Variants in ARID1B observed in about 807,000 individuals in gnomAD.
ARID1B encodes the protein AT-rich interaction domain 1B, also known as AT-rich interactive domain-containing protein 1B.
Under a neutral mutation model 212.3 loss-of-function variants are expected in ARID1B, and 30 were observed. The observed-to-expected ratio is 0.14, with a 90% CI of 0.11 to 0.19. The LOEUF (loss-of-function observed/expected upper bound fraction) is 0.19, where lower values mean the gene tolerates loss of function less well. Ranked by LOEUF, ARID1B falls within the 10% of genes least tolerant of loss-of-function variation. The probability of loss-of-function intolerance (pLI) is 1.00; values close to 1 mark genes in which losing one functional copy is unlikely to be tolerated. For synonymous variants in ARID1B, 1,402 were observed against 1,301.7 expected, an observed-to-expected ratio of 1.08 and a Z score of -1.66; for missense variants, 2,891 against 3,204.0, an observed-to-expected ratio of 0.90 and a Z score of 2.36.
At chr6:157,095,432 G>A (rs975249156) in intron 5 of ARID1B, among the ~76,000 whole-genome samples, 4 of 152,204 alleles carry the variant, frequency 2.6e-5, no homozygotes, top group African/African-American at 9.7e-5. Context: ...AAACCCTGGG[G>A]TACCCAAAAA....
intron 6 of ARID1B, among the ~76,000 whole-genome samples, chr6:157,122,631 T>C: frequency 6.6e-6 from 1 of 152,172 alleles, no homozygotes; most frequent in Non-Finnish European, 1.5e-5. Context: ...CAGGGCACCA[T>C]TTCCTAGGCC....
chr6:157,174,948 T>C lies in ARID1B; in HGVS notation c.3447T>C (p.His1149=). The C allele has an allele frequency of 6.5e-7, 1 of 1,539,000 alleles. No homozygotes were observed. The highest frequency in any genetic ancestry group is 8.8e-7 in the Non-Finnish European group (1 of 1,141,092). Residue 1149 remains histidine, a synonymous_variant, in exon 11 of 20, where the codon CAT becomes CAC. Coordinates refer to ENST00000636930, the MANE Select transcript of ARID1B (RefSeq NM_001374828.1). ...SPSSASISSF[H]GDESDSISSP... ...GCTCTGCTAGCATCTCCTCATTTCA[T>C]GGAGATGAAAGTGATAGCATTAGCA... is the stretch of plus-strand genomic sequence containing the variant.
At chr6:156,900,866 T>A (rs1788868248) in intron 2 of ARID1B, among the ~76,000 whole-genome samples, 1 of 152,214 alleles carries the variant, frequency 6.6e-6, no homozygotes, top group Admixed American at 6.5e-5. Context: ...TAAATAAAAT[T>A]GATAATTTAA....
intron 4 of ARID1B, among the ~76,000 whole-genome samples, chr6:157,002,401 A>C (rs76714525): frequency 6.6e-6 from 1 of 152,170 alleles, no homozygotes; most frequent in Non-Finnish European, 1.5e-5. Context: ...AGCCTTCTAA[A>C]TCTGTGAGAG....
At chr6:157,132,348 A>C (rs1406212596) in intron 6 of ARID1B, among the ~76,000 whole-genome samples, 2 of 152,222 alleles carry the variant, frequency 1.3e-5, no homozygotes, top group East Asian at 1.9e-4. Context: ...GAGGTAGATA[A>C]GTCTCAAGAC....
Position 157,204,048 on chromosome 6 carries a change from G to C in ARID1B, c.5394+52G>C, listed in dbSNP as rs551693171. 78 of 1,607,106 alleles carry C rather than the reference G, an allele frequency of 4.9e-5. No individual in the cohort carries two copies. In the East Asian group the frequency reaches 1.7e-3, roughly 35 times the overall value. On this transcript the variant is annotated intron_variant, in intron 19 of 19. Coordinates refer to ENST00000636930, the MANE Select transcript of ARID1B (RefSeq NM_001374828.1). ...CCAAATTAGGATAGGAGAGCATCAGGCCATGCACATTTGTGCTTGAACTAA... is the reference window on the plus strand; with the variant it reads ...CCAAATTAGGATAGGAGAGCATCAGCCCATGCACATTTGTGCTTGAACTAA...
intron 4 of ARID1B, among the ~76,000 whole-genome samples, chr6:157,000,109 A>T (rs1778823287): frequency 6.6e-6 from 1 of 152,184 alleles, no homozygotes; most frequent in Non-Finnish European, 1.5e-5. Context: ...AGGGTTTGAC[A>T]AGAGAGCATT....
intron 2 of ARID1B, among the ~76,000 whole-genome samples, chr6:156,836,151 A>G (rs1394771891): frequency 6.6e-6 from 1 of 152,232 alleles, no homozygotes; most frequent in Non-Finnish European, 1.5e-5. Flanking sequence ...CAAACACTGA[A>G]CAACAACGGA....
chr6:156,785,078 A>G (rs1202405803), intron 1 of ARID1B, among the ~76,000 whole-genome samples: 3 of 152,322 alleles, frequency 2.0e-5, no homozygotes, highest in Admixed American at 6.5e-5. Context: ...TTACTTAAAT[A>G]GGATCCAGTA....
Position 156,778,067 on chromosome 6 carries a change from G to T in ARID1B, c.387G>T (p.Ala129=), listed in dbSNP as rs1436534163. 2 of 1,538,562 alleles carry T rather than the reference G, an allele frequency of 1.3e-6. No individual in the cohort carries two copies. Among genetic ancestry groups the T allele is most frequent in the Non-Finnish European group, 8.7e-7 (1 of 1,146,284 alleles). ...CCTCCTCCTCCGCGGCGGCAGCGGC[G>T]GCATCCTCTTCCTCCTCGTCGGGCC... is the stretch of plus-strand genomic sequence containing the variant. ...SSSSSSAAAA[A]ASSSSSSGPG... The change falls in exon 1 of 20, where the codon GCG becomes GCT. Residue 129 remains alanine, a synonymous_variant. Coordinates refer to ENST00000636930, the MANE Select transcript of ARID1B (RefSeq NM_001374828.1).
chr6:157,121,924 G>A (rs1448271536), intron 6 of ARID1B, among the ~76,000 whole-genome samples: 1 of 152,150 alleles, frequency 6.6e-6, no homozygotes, highest in African/African-American at 2.4e-5. Context: ...CTCTGTGCCT[G>A]GCTCGCATAT....
At chr6:157,139,843 C>T (rs1054654745) in intron 7 of ARID1B, among the ~76,000 whole-genome samples, 1 of 151,732 alleles carries the variant, frequency 6.6e-6, no homozygotes, top group Non-Finnish European at 1.5e-5. Context: ...CTGCATCAGC[C>T]TCTGGGGTAG....
At chr6:156,816,385 A>T (rs1010943684) in intron 1 of ARID1B, among the ~76,000 whole-genome samples, 1 of 152,218 alleles carries the variant, frequency 6.6e-6, no homozygotes, top group African/African-American at 2.4e-5. Flanking sequence ...GGTTTCTTTA[A>T]TTTTGTTTTT....
chr6:157,122,879 A>C (rs1009612671), intron 6 of ARID1B, among the ~76,000 whole-genome samples: 2 of 152,008 alleles, frequency 1.3e-5, no homozygotes, highest in Non-Finnish European at 2.9e-5. Context: ...ACCGGGTTTC[A>C]CCATGTTGGC....
chr6:156,812,737 C>T (rs1429930244), intron 1 of ARID1B, among the ~76,000 whole-genome samples: 1 of 151,962 alleles, frequency 6.6e-6, no homozygotes. Context: ...CCTTACACCC[C>T]TTCCACCTTT....
At chr6:156,975,943 G>GT (rs1777212607) in intron 4 of ARID1B, among the ~76,000 whole-genome samples, 2 of 147,504 alleles carry the variant, frequency 1.4e-5, no homozygotes, top group Admixed American at 1.3e-4. Context: ...GATAGGCGGT[G>GT]GAGTTGGGAG....
At chr6:157,204,894 C>CT (rs1311528914) in intron 19 of ARID1B, 3 of 152,220 alleles carry the variant, frequency 2.0e-5, no homozygotes. Flanking sequence ...CCAGAATCTT[C>CT]TACTTCTTTC....
At chr6:156,792,770 G>A (rs1474891025) in intron 1 of ARID1B, among the ~76,000 whole-genome samples, 1 of 152,138 alleles carries the variant, frequency 6.6e-6, no homozygotes, top group East Asian at 1.9e-4. Flanking sequence ...ATGAAATATC[G>A]TGGGTCAGAG....
At chr6:156,950,551 A>G (rs191495668) in intron 4 of ARID1B, among the ~76,000 whole-genome samples, 167 of 152,336 alleles carry the variant, frequency 1.1e-3, no homozygotes, top group African/African-American at 3.8e-3. Flanking sequence ...CTTCCATCGC[A>G]GTTGATTAGA....
Sources: gnomAD v4.1 joint callset for allele counts (sites outside exome capture counted in the v4.1 genomes callset) on GRCh38, gnomAD v4.1.1 for gene constraint, MANE v1.5 for transcripts, NCBI Gene and HGNC (gene_info 2026-07-23, HGNC 2026-07-21) for gene names.